DECR1: variants seen among roughly 807,000 people sequenced by gnomAD.
DECR1 encodes 2,4-dienoyl-CoA reductase 1.
DECR1 carries 44 observed loss-of-function variants against 38.8 expected under a neutral mutation model. That is an observed-to-expected ratio of 1.13 (90% CI 0.89 to 1.46). The LOEUF (loss-of-function observed/expected upper bound fraction) is 1.46, where lower values mean the gene tolerates loss of function less well. Ranked by LOEUF, DECR1 falls within the 40% of genes most tolerant of loss-of-function variation. The pLI, the probability that DECR1 is intolerant of heterozygous loss-of-function variation, is 0.00. For synonymous variants in DECR1, 148 were observed against 135.2 expected, an observed-to-expected ratio of 1.09 and a Z score of -0.66; for missense variants, 428 against 405.5, an observed-to-expected ratio of 1.06 and a Z score of -0.48.
chr8:90,034,061 A>G (rs929441979), intron 5 of DECR1, among the ~76,000 whole-genome samples: 1 of 152,176 alleles, frequency 6.6e-6, no homozygotes, highest in Non-Finnish European at 1.5e-5. Context: ...AGGAGTTACC[A>G]GAATGATTAA....
chr8:90,005,163 A>G, intron 1 of DECR1: 1 of 361,496 alleles, frequency 2.8e-6, no homozygotes, highest in Non-Finnish European at 5.4e-6. Flanking sequence ...TTTGTTTGGT[A>G]TTGTGGAGTT....
intron 6 of DECR1, among the ~76,000 whole-genome samples, chr8:90,037,549 C>T (rs904471802): frequency 3.3e-5 from 5 of 151,702 alleles, no homozygotes; most frequent in African/African-American, 7.3e-5. Flanking sequence ...CAGACTCAAG[C>T]GATCCTCCCA....
chr8:90,017,500 A>G (rs1007505874), intron 2 of DECR1, among the ~76,000 whole-genome samples, 174 bp downstream of exon 2: 4 of 152,268 alleles, frequency 2.6e-5, no homozygotes, highest in Non-Finnish European at 1.5e-5. Context: ...GTTAGGTACT[A>G]TTTGAGATGA....
At chr8:90,016,839 C>T in intron 1 of DECR1, 1 of 343,024 alleles carries the variant, frequency 2.9e-6, no homozygotes, top group Non-Finnish European at 5.5e-6. Context: ...ATTTTATTGT[C>T]CCCATTTTGT....
At chr8:90,015,504 A>G (rs966973997) in intron 1 of DECR1, 2 of 360,412 alleles carry the variant, frequency 5.5e-6, no homozygotes, top group Admixed American at 3.5e-5. Context: ...TTTTCATTTA[A>G]CATCACATTA....
At chr8:90,047,852 A>G (rs1011542736) in intron 8 of DECR1, among the ~76,000 whole-genome samples, 1 of 152,250 alleles carries the variant, frequency 6.6e-6, no homozygotes, top group Non-Finnish European at 1.5e-5. Context: ...CCACAGTGCA[A>G]TCAAACGACA....
At chr8:90,044,814 C>T in intron 7 of DECR1, 35 bp from the exon 8 acceptor site, 1 of 1,571,924 alleles carries the variant, frequency 6.4e-7, no homozygotes, top group African/African-American at 1.4e-5. Flanking sequence ...GATTGAAAAA[C>T]CCGACACAAC....
chr8:90,043,798 C>T (rs543665887), intron 7 of DECR1, among the ~76,000 whole-genome samples: 1 of 152,250 alleles, frequency 6.6e-6, no homozygotes, highest in African/African-American at 2.4e-5. Context: ...AACTTAAAAA[C>T]ATACATTAAA....
intron 1 of DECR1, among the ~76,000 whole-genome samples, chr8:90,014,260 A>C (rs1452573312): frequency 6.6e-6 from 1 of 152,226 alleles, no homozygotes; most frequent in Non-Finnish European, 1.5e-5. Flanking sequence ...CCCAACCAAA[A>C]TACTGTTTAA....
intron 1 of DECR1, among the ~76,000 whole-genome samples, chr8:90,008,211 TTTCAG>T (rs1320569739): frequency 6.6e-6 from 1 of 152,216 alleles, no homozygotes; most frequent in East Asian, 1.9e-4. Context: ...AACCCAGTCA[TTTCAG>T]TCAGAGCATC....
Position 90,001,527 on chromosome 8 carries a change from G to A in DECR1, c.35G>A (p.Gly12Glu). ...CCGGCCAGGGTTTTCTTTACTCTGG[G>A]GTCCCGGCTGCCCTGTGGCCTCGCT... Reference protein sequence around the residue: ...KLPARVFFTLGSRLPCGLAPR... With the variant: ...KLPARVFFTLESRLPCGLAPR... The change falls in exon 1 of 10, where the codon GGG (glycine) becomes GAG (glutamate). Residue 12 changes from glycine (G) to glutamate (E), a missense_variant. Gly to Glu is a moderately conservative substitution (Grantham distance 98). Coordinates refer to ENST00000220764, the MANE Select transcript of DECR1 (RefSeq NM_001359.2). 6.2e-7 allele frequency: 1 copy of A among 1,613,958 alleles called. No individual in the cohort carries two copies. The highest frequency in any genetic ancestry group is 8.5e-7 in the Non-Finnish European group (1 of 1,179,908).
At position 90,035,797 on chromosome 8, in the gene DECR1, T is replaced by C. The variant is rs190530437; in HGVS notation, c.566-1044T>C. Among the ~76,000 whole-genome samples, 690 of 152,112 alleles carry C rather than the reference T, an allele frequency of 4.5e-3. 8 individuals carry two copies. Among genetic ancestry groups the C allele is most frequent in the African/African-American group, 0.016 (658 of 41,508 alleles). On this transcript the variant is annotated intron_variant, in intron 5 of 9. Transcript: ENST00000220764. ...TTTAATTTTCTTTTGAGGTGTGTGG[T>C]TTTTTTTATTTTGGAAAGCTTCTAA...
intron 5 of DECR1, chr8:90,029,333 TA>T (rs1813435808): frequency 6.6e-6 from 1 of 152,170 alleles, no homozygotes; most frequent in African/African-American, 2.4e-5. Context: ...ATAGCCTAGC[TA>T]ACATAAAGAC....
chr8:90,018,841 T>C (rs745535271), intron 2 of DECR1, 68 bp from the exon 3 acceptor site: 5 of 1,128,346 alleles, frequency 4.4e-6, no homozygotes, highest in Middle Eastern at 2.2e-4. Context: ...AGCTATGGAT[T>C]CTCTGTATTC....
intron 5 of DECR1, among the ~76,000 whole-genome samples, chr8:90,023,275 C>G (rs576815793): frequency 6.6e-6 from 1 of 152,236 alleles, no homozygotes; most frequent in African/African-American, 2.4e-5. Context: ...GCACTGTTTT[C>G]TAAATGTTAT....
chr8:90,018,142 C>T (rs1813056785), intron 2 of DECR1, among the ~76,000 whole-genome samples: 1 of 152,246 alleles, frequency 6.6e-6, no homozygotes, highest in African/African-American at 2.4e-5. Flanking sequence ...CCCGCCTTGG[C>T]CTCCCAAAGT....
intron 5 of DECR1, among the ~76,000 whole-genome samples, chr8:90,024,117 T>G (rs973605877): frequency 6.6e-6 from 1 of 152,216 alleles, no homozygotes; most frequent in Admixed American, 6.5e-5. Context: ...CAGTCTATCA[T>G]TGATGGACAT....
Position 90,036,848 on chromosome 8 carries a change from A to G in DECR1, c.573A>G (p.Ala191=). Residue 191 remains alanine (A), a synonymous_variant, in exon 6 of 10, where the codon GCA becomes GCG. Coordinates refer to ENST00000220764, the MANE Select transcript of DECR1 (RefSeq NM_001359.2). ...ATCCTTTTAAAATTTCAGGAGCAGC[A>G]TTTCTTTCTATTACTACTATCTATG... ...KQLIKAQKGA[A]FLSITTIYAE... 1 of 1,611,114 alleles carries G rather than the reference A, an allele frequency of 6.2e-7. No homozygotes were observed.
intron 1 of DECR1, chr8:90,005,759 G>A (rs1222898500): frequency 3.2e-6 from 1 of 309,486 alleles, no homozygotes; most frequent in Middle Eastern, 1.1e-3. Context: ...GGGTTTGTTT[G>A]ACTCATGATT....
Sources: allele counts gnomAD v4.1 joint callset (sites outside exome capture counted in the v4.1 genomes callset), GRCh38; gene constraint gnomAD v4.1.1; transcripts MANE v1.5; gene names NCBI Gene and HGNC (gene_info 2026-07-23, HGNC 2026-07-21).